MTUS2: variants seen among roughly 807,000 people sequenced by gnomAD.
The protein encoded by MTUS2 is microtubule associated scaffold protein 2.
In MTUS2, 40 loss-of-function variants were observed where a neutral mutation model predicts 114.1. That is an observed-to-expected ratio of 0.35 (90% confidence interval 0.27 to 0.46). MTUS2 has a LOEUF of 0.46. Among genes scored for constraint, MTUS2 ranks in the 20% least tolerant of loss-of-function variants. The pLI is 1.00. For missense variants in MTUS2, 1,679 were observed against 1,705.4 expected, an observed-to-expected ratio of 0.98 and a Z score of 0.27; for synonymous variants, 688 against 672.0, an observed-to-expected ratio of 1.02 and a Z score of -0.37.
At chr13:28,832,229 G>A (rs1244490668) in intron 1 of MTUS2, among the ~76,000 whole-genome samples, 1 of 152,134 alleles carries the variant, frequency 6.6e-6, no homozygotes, top group Non-Finnish European at 1.5e-5. Flanking sequence ...GTTCTTAAAT[G>A]CCTGTAGGAA....
rs1010160502 is a variant in MTUS2 at position 28,882,066 on chromosome 13, A to AT, written c.-243+42227dup. On this transcript the variant is annotated intron_variant, in intron 2 of 15. Coordinates refer to ENST00000612955, the MANE Select transcript of MTUS2 (RefSeq NM_001033602.4). ...CACCATGTGTACAAAAATTATTTCA[A>AT]TTTTTTTTTTTGAGACGGAGTCTTG... is the stretch of plus-strand genomic sequence containing the variant. Among the ~76,000 whole-genome samples the AT allele has an allele frequency of 3.9e-3, 577 of 148,814 alleles. 1 individual carries two copies. The highest frequency in any genetic ancestry group is 0.013 in the African/African-American group (531 of 40,772).
At chr13:29,484,878 A>G (rs992795710) in intron 10 of MTUS2, 1 of 152,244 alleles carries the variant, frequency 6.6e-6, no homozygotes, top group African/African-American at 2.4e-5. Context: ...CCTGTCTGAG[A>G]GGGTGGTCTT....
chr13:28,933,806 C>T lies in MTUS2; in HGVS notation c.-242-90651C>T, dbSNP rs565448479. Among the ~76,000 whole-genome samples, 6 of 152,294 alleles carry T rather than the reference C, an allele frequency of 3.9e-5. No individual in the cohort carries two copies. The South Asian group carries it at 1.0e-3, about 26-fold the overall frequency. ...GTCACACAATTGTCCGTTCCAGAGA[C>T]CTTACTATTTCCACTCTCTGTGCTG... On this transcript the variant is annotated intron_variant, in intron 2 of 15. Transcript: ENST00000612955.
At chr13:28,931,776 C>T (rs1308977744) in intron 2 of MTUS2, among the ~76,000 whole-genome samples, 2 of 151,974 alleles carry the variant, frequency 1.3e-5, no homozygotes, top group Admixed American at 6.6e-5. Context: ...TGTGCTGCAC[C>T]CATTAACTGG....
chr13:29,044,280 A>C (rs1364820353), intron 4 of MTUS2, among the ~76,000 whole-genome samples: 1 of 119,660 alleles, frequency 8.4e-6, no homozygotes, highest in Non-Finnish European at 1.9e-5. Flanking sequence ...TCTAGCTTGA[A>C]TGGTTTCTAG....
chr13:28,888,147 G>C (rs796477462), intron 2 of MTUS2, among the ~76,000 whole-genome samples: 22 of 152,224 alleles, frequency 1.4e-4, no homozygotes, highest in African/African-American at 5.1e-4. Context: ...TCCATTATTT[G>C]TTTGAACTGT....
intron 9 of MTUS2, among the ~76,000 whole-genome samples, chr13:29,442,180 A>T (rs1877937702): frequency 6.6e-6 from 1 of 152,222 alleles, no homozygotes; most frequent in Non-Finnish European, 1.5e-5. Context: ...CTGTGGGGGC[A>T]GCTCAGAGGC....
chr13:28,824,797 T>G (rs1227835598), intron 1 of MTUS2, among the ~76,000 whole-genome samples: 1 of 151,844 alleles, frequency 6.6e-6, no homozygotes. Flanking sequence ...GAACTTACAG[T>G]GTAATGGAAT....
At chr13:29,004,190 CGCACATGTATTGTGCATGCATGCATGCAT>C (rs1394903420) in intron 2 of MTUS2, among the ~76,000 whole-genome samples, 1 of 143,886 alleles carries the variant, frequency 6.9e-6, no homozygotes, top group African/African-American at 2.5e-5. Context: ...TATATGGGCA[CGCACATGTATTGTGCATGCATGCATGCAT>C]GTACATGCAT....
At chr13:29,227,408 G>A (rs1296255463) in intron 5 of MTUS2, among the ~76,000 whole-genome samples, 1 of 152,168 alleles carries the variant, frequency 6.6e-6, no homozygotes. Flanking sequence ...CTATGAATGT[G>A]TCTGTAGCAC....
At chr13:29,154,122 G>T (rs970478301) in intron 5 of MTUS2, among the ~76,000 whole-genome samples, 2 of 152,090 alleles carry the variant, frequency 1.3e-5, no homozygotes, top group Non-Finnish European at 2.9e-5. Flanking sequence ...GTAGCTCACC[G>T]GTAGCCAACT....
At chr13:28,910,548 C>T (rs572993873) in intron 2 of MTUS2, among the ~76,000 whole-genome samples, 73 of 152,058 alleles carry the variant, frequency 4.8e-4, no homozygotes, top group African/African-American at 1.8e-3. Context: ...CTCCCCCCAG[C>T]CCCCCAGCAG....
intron 5 of MTUS2, among the ~76,000 whole-genome samples, chr13:29,211,675 C>T (rs574223920): frequency 6.6e-6 from 1 of 152,118 alleles, no homozygotes; most frequent in Non-Finnish European, 1.5e-5. Context: ...CTAAATTTGT[C>T]TTAGCTCCCT....
At chr13:29,447,590 GTATCTAAAC>G (rs1878375573) in intron 9 of MTUS2, among the ~76,000 whole-genome samples, 2 of 150,656 alleles carry the variant, frequency 1.3e-5, no homozygotes. Context: ...TGGCCTTGGG[GTATCTAAAC>G]TGTTGTCTCC....
At chr13:29,439,681 T>C (rs897075323) in intron 8 of MTUS2, among the ~76,000 whole-genome samples, 6 of 152,164 alleles carry the variant, frequency 3.9e-5, no homozygotes, top group Non-Finnish European at 8.8e-5. Flanking sequence ...AATAGATTAA[T>C]GGGTGGGACA....
At chr13:28,855,412 T>C (rs983342341) in intron 2 of MTUS2, among the ~76,000 whole-genome samples, 1 of 152,100 alleles carries the variant, frequency 6.6e-6, no homozygotes, top group Admixed American at 6.5e-5. Flanking sequence ...CCTGACGCTC[T>C]CCCTCCCCCT....
intron 8 of MTUS2, among the ~76,000 whole-genome samples, chr13:29,434,740 G>T (rs1877283879): frequency 6.6e-6 from 1 of 152,214 alleles, no homozygotes; most frequent in Non-Finnish European, 1.5e-5. Context: ...CATCAGAAGA[G>T]ATAACGCCCA....
intron 1 of MTUS2, among the ~76,000 whole-genome samples, chr13:28,831,068 C>A (rs1025442301): frequency 6.6e-6 from 1 of 151,860 alleles, no homozygotes; most frequent in Non-Finnish European, 1.5e-5. Flanking sequence ...TAACACACAT[C>A]CACAGGAAGA....
At chr13:28,853,987 A>G (rs1876466593) in intron 2 of MTUS2, among the ~76,000 whole-genome samples, 1 of 152,246 alleles carries the variant, frequency 6.6e-6, no homozygotes, top group African/African-American at 2.4e-5. Flanking sequence ...TGAATAAACA[A>G]GTACACTTGT....
Sources: gnomAD v4.1 joint callset for allele counts (sites outside exome capture counted in the v4.1 genomes callset) on GRCh38, gnomAD v4.1.1 for gene constraint, MANE v1.5 for transcripts, NCBI Gene and HGNC (gene_info 2026-07-23, HGNC 2026-07-21) for gene names.